The following GIPC2 variants were observed in gnomAD, a reference collection of about 807,000 sequenced individuals.
The protein encoded by GIPC2 is GIPC PDZ domain containing family member 2.
In GIPC2, 30 loss-of-function variants were observed where a neutral mutation model predicts 30.6. The ratio of observed to expected loss-of-function variants is 0.98; its 90% confidence interval spans 0.73 to 1.33. The LOEUF is 1.33. Among genes scored for constraint, GIPC2 ranks in the 40% most tolerant of loss-of-function variants. The pLI is 0.00. For synonymous variants in GIPC2, 167 were observed against 150.0 expected (o/e 1.11, Z -0.83); for missense variants, 414 against 390.3 (o/e 1.06, Z -0.51).
At chr1:78,107,922 A>G (rs188245901) in intron 3 of GIPC2, among the ~76,000 whole-genome samples, 2 of 150,460 alleles carry the variant, frequency 1.3e-5, no homozygotes, top group Non-Finnish European at 3.0e-5. Context: ...GTTTTCAACT[A>G]TATGATGCTC....
intron 5 of GIPC2, among the ~76,000 whole-genome samples, chr1:78,133,782 GTGTGTGTA>G (rs1476147188): frequency 2.0e-4 from 27 of 135,956 alleles, no homozygotes; most frequent in Admixed American, 1.5e-4. Context: ...GTGTGTGTGT[GTGTGTGTA>G]TGTATGTATT....
intron 3 of GIPC2, among the ~76,000 whole-genome samples, chr1:78,105,094 A>T (rs778958519): frequency 3.9e-5 from 6 of 152,222 alleles, no homozygotes; most frequent in Non-Finnish European, 7.3e-5. Flanking sequence ...TTTTCAAGGT[A>T]GAGACCCAGC....
At chr1:78,103,059 T>C (rs2100394772) in intron 3 of GIPC2, among the ~76,000 whole-genome samples, 1 of 152,300 alleles carries the variant, frequency 6.6e-6, no homozygotes, top group South Asian at 2.1e-4. Context: ...ACCTAAAAGG[T>C]GAAGCAGTTT....
chr1:78,091,572 C>G (rs181518604), intron 2 of GIPC2: 1 of 757,174 alleles, frequency 1.3e-6, no homozygotes, highest in East Asian at 2.5e-5. Context: ...GGCAACCTCT[C>G]GGCCAAGTCC....
At chr1:78,075,246 A>T (rs907143779) in intron 1 of GIPC2, among the ~76,000 whole-genome samples, 1 of 152,154 alleles carries the variant, frequency 6.6e-6, no homozygotes. Flanking sequence ...GCTTAGGCCC[A>T]CAAGTTTGAG....
intron 4 of GIPC2, among the ~76,000 whole-genome samples, chr1:78,122,946 G>T (rs1166609453): frequency 6.6e-6 from 1 of 152,152 alleles, no homozygotes; most frequent in Non-Finnish European, 1.5e-5. Flanking sequence ...ATCAGCCATT[G>T]ACAGGGATTG....
chr1:78,072,638 G>GTA (rs1459624470), intron 1 of GIPC2, among the ~76,000 whole-genome samples: 1 of 151,874 alleles, frequency 6.6e-6, no homozygotes, highest in African/African-American at 2.4e-5. Context: ...TTTAGATGGA[G>GTA]GTCAAATAAT....
At chr1:78,084,598 A>T (rs1039409300) in intron 2 of GIPC2, among the ~76,000 whole-genome samples, 21 of 152,050 alleles carry the variant, frequency 1.4e-4, no homozygotes, top group Non-Finnish European at 2.6e-4. Flanking sequence ...TTCCCCATCA[A>T]AATTTTTACT....
intron 3 of GIPC2, among the ~76,000 whole-genome samples, chr1:78,115,466 GCTAT>G (rs1481759048): frequency 6.6e-6 from 1 of 152,198 alleles, no homozygotes; most frequent in Non-Finnish European, 1.5e-5. Context: ...TTAAGACGAA[GCTAT>G]CTTCACCACT....
intron 3 of GIPC2, among the ~76,000 whole-genome samples, chr1:78,119,072 T>C (rs369136767): frequency 6.6e-6 from 1 of 152,166 alleles, no homozygotes; most frequent in Non-Finnish European, 1.5e-5. Flanking sequence ...TTTGTGACTT[T>C]GATGAAACCA....
At chr1:78,109,895 G>C (rs919081843) in intron 3 of GIPC2, among the ~76,000 whole-genome samples, 6 of 152,220 alleles carry the variant, frequency 3.9e-5, no homozygotes, top group Admixed American at 3.9e-4. Flanking sequence ...TAGGGACGTG[G>C]ATGAAGCTAG....
At chr1:78,065,940 C>T (rs1231201949) in intron 1 of GIPC2, among the ~76,000 whole-genome samples, 1 of 152,168 alleles carries the variant, frequency 6.6e-6, no homozygotes, top group East Asian at 1.9e-4. Context: ...TATAAAAGCC[C>T]TGGAAGACAA....
intron 1 of GIPC2, among the ~76,000 whole-genome samples, chr1:78,074,838 C>T (rs1345944405): frequency 1.3e-5 from 2 of 152,096 alleles, no homozygotes; most frequent in Non-Finnish European, 2.9e-5. Context: ...AATTAGGATG[C>T]CATAATACCT....
chr1:78,123,716 G>A (rs140807985), intron 4 of GIPC2, among the ~76,000 whole-genome samples: 63 of 152,286 alleles, frequency 4.1e-4, no homozygotes, highest in Middle Eastern at 3.4e-3. Flanking sequence ...GATCTGTTCC[G>A]TAGCAAATAG....
intron 2 of GIPC2, among the ~76,000 whole-genome samples, chr1:78,086,997 A>T (rs775449649): frequency 1.6e-4 from 25 of 152,084 alleles, no homozygotes; most frequent in Non-Finnish European, 3.4e-4. Flanking sequence ...GCTGGTTATT[A>T]TGTTGGCTTG....
intron 2 of GIPC2, among the ~76,000 whole-genome samples, chr1:78,087,887 A>G (rs559091859): frequency 5.3e-5 from 8 of 152,270 alleles, no homozygotes; most frequent in Non-Finnish European, 8.8e-5. Context: ...AATATCCAGC[A>G]TCTTTAAGGA....
chr1:78,049,798 T>C (rs1661161214), intron 1 of GIPC2, among the ~76,000 whole-genome samples: 1 of 152,186 alleles, frequency 6.6e-6, no homozygotes, highest in African/African-American at 2.4e-5. Context: ...AGCCAGGATT[T>C]GAATTCTGGT....
chr1:78,058,711 A>C (rs1014093036), intron 1 of GIPC2, among the ~76,000 whole-genome samples: 1 of 152,204 alleles, frequency 6.6e-6, no homozygotes, highest in Non-Finnish European at 1.5e-5. Flanking sequence ...GTCCACTAAA[A>C]ATTTAAATAT....
At chr1:78,108,652 GA>G (rs1054001855) in intron 3 of GIPC2, among the ~76,000 whole-genome samples, 1 of 152,108 alleles carries the variant, frequency 6.6e-6, no homozygotes, top group African/African-American at 2.4e-5. Context: ...TTGGAGAGAG[GA>G]AGGATGCAGG....
Sources: allele counts gnomAD v4.1 joint callset (sites outside exome capture counted in the v4.1 genomes callset), GRCh38; gene constraint gnomAD v4.1.1; transcripts MANE v1.5; gene names NCBI Gene and HGNC (gene_info 2026-07-23, HGNC 2026-07-21).